MYO18A: variants seen among roughly 807,000 people sequenced by gnomAD.
The protein encoded by MYO18A is unconventional myosin-XVIIIa.
Under a neutral mutation model 235.8 loss-of-function variants are expected in MYO18A, and 78 were observed. That is an observed-to-expected ratio of 0.33 (90% CI 0.28 to 0.40). MYO18A has a LOEUF of 0.40. Among genes scored for constraint, MYO18A ranks in the 10% least tolerant of loss-of-function variants. The pLI, the probability that MYO18A is intolerant of heterozygous loss-of-function variation, is 1.00. For missense variants in MYO18A, 2,215 were observed against 2,699.3 expected, an observed-to-expected ratio of 0.82 and a Z score of 3.98; for synonymous variants, 977 against 1,077.8, an observed-to-expected ratio of 0.91 and a Z score of 1.83.
intron 2 of MYO18A, among the ~76,000 whole-genome samples, chr17:29,164,039 G>A (rs1243211005): frequency 1.3e-5 from 2 of 152,138 alleles, no homozygotes; most frequent in South Asian, 2.1e-4. Context: ...ACAGGCATGC[G>A]CCACCACGCC....
intron 1 of MYO18A, among the ~76,000 whole-genome samples, chr17:29,173,473 C>T (rs1261142641): frequency 2.6e-5 from 4 of 150,970 alleles, no homozygotes; most frequent in African/African-American, 9.8e-5. Context: ...CTGCAAGCTC[C>T]GCCTCCCGGG....
chr17:29,172,367 A>C (rs946881470), intron 1 of MYO18A, among the ~76,000 whole-genome samples: 15 of 152,102 alleles, frequency 9.9e-5, no homozygotes, highest in Admixed American at 4.6e-4. Context: ...CAGGAGGCTG[A>C]GGCAGGAGAA....
At chr17:29,086,768 C>T in intron 38 of MYO18A, 168 bp downstream of exon 38, 2 of 1,103,858 alleles carry the variant, frequency 1.8e-6, no homozygotes, top group Non-Finnish European at 2.5e-6. Flanking sequence ...GTCTCCAGTG[C>T]CGCTAGCTTC....
At chr17:29,092,800 A>G in intron 33 of MYO18A, 55 bp downstream of exon 33, 1 of 1,592,566 alleles carries the variant, frequency 6.3e-7, no homozygotes, top group Non-Finnish European at 8.6e-7. Flanking sequence ...AGAGAAAGAG[A>G]ATGGAAAGGT....
intron 18 of MYO18A, 23 bp from the exon 19 acceptor site, chr17:29,110,124 C>T (rs368951752): frequency 6.5e-5 from 104 of 1,600,808 alleles, no homozygotes; most frequent in African/African-American, 2.7e-5. Context: ...AGAGACTGCC[C>T]TCAGTGGGCT....
Position 29,074,389 on chromosome 17 carries a change from C to G in MYO18A, c.*381G>C. On this transcript the variant is annotated 3_prime_UTR_variant, in exon 42 of 42. Coordinates refer to ENST00000527372, the MANE Select transcript of MYO18A (RefSeq NM_078471.4). This position sits in a 1 kb window ranked among gnomAD's most constrained non-coding sequence, Gnocchi z 4.4. ...CCTCCCCCAATCCTCCCCATGGACC[C>G]AGCAACCTAGAGTGTCCCAGTAGGC... is the stretch of plus-strand genomic sequence containing the variant. The G allele has an allele frequency of 1.6e-6, 1 of 643,104 alleles. No homozygotes were observed. The highest frequency in any genetic ancestry group is 2.1e-5 in the South Asian group (1 of 47,676). 39.8% of individuals were successfully genotyped at this position (643,104 alleles called of 1,614,324 possible).
At chr17:29,083,513 G>C (rs59083088) in intron 40 of MYO18A, among the ~76,000 whole-genome samples, 4,222 of 63,104 alleles carry the variant, frequency 0.067, 177 homozygotes, top group East Asian at 0.42. Flanking sequence ...CAGCCACACA[G>C]GCATGTGTGC....
In MYO18A at chr17:29,121,865, C is replaced by A. The variant is rs1480389483; in HGVS notation, c.1180G>T (p.Asp394Tyr). 2 of 1,613,932 alleles carry A rather than the reference C, an allele frequency of 1.2e-6. No homozygotes were observed. The highest frequency in any genetic ancestry group is 4.5e-5 in the East Asian group (2 of 44,884). Residue 394 changes from aspartate (D) to tyrosine (Y), a missense_variant, in exon 4 of 42, where the codon GAT becomes TAT. By Grantham distance (160) the Asp-to-Tyr change is radical (BLOSUM62 -3). Transcript: ENST00000527372. The surrounding 1 kb of genome is among the most constrained non-coding windows in gnomAD (Gnocchi z 4.2). ...HDGAILDVDE[D>Y]DVEKANAPSC... The stretch of plus-strand genomic sequence containing the variant: ...TGCCCACCTACCTTCTCAACGTCAT[C>A]CTCATCCACATCCAGGATGGCCCCA...
In MYO18A at chr17:29,167,023, T is replaced by G; in HGVS notation, c.-81-2A>C. On this transcript the variant is annotated splice_acceptor_variant, in intron 1 of 41. Transcript: ENST00000527372. LOFTEE classifies it low-confidence loss of function (5UTR_SPLICE). The stretch of plus-strand genomic sequence containing the variant: ...GGGCCTTGGTGCCCCACTTTGCTGC[T>G]GCAAACAGAAACACACAGAGAGAAA... The G allele has an allele frequency of 6.9e-7, 1 of 1,448,116 alleles. No homozygotes were observed. The highest frequency in any genetic ancestry group is 9.1e-7 in the Non-Finnish European group (1 of 1,099,220). The allele number at this position is 1,448,116 out of a possible 1,614,324, so 89.7% of individuals were successfully genotyped here. A position where few individuals can be genotyped will look rare whatever the true frequency, so the allele number is the denominator to read the frequency against.
rs765622149 is a variant in MYO18A at position 29,103,588 on chromosome 17, G to A, written c.3507+11C>T. On this transcript the variant is annotated intron_variant, in intron 21 of 41. Transcript: ENST00000527372. The stretch of plus-strand genomic sequence containing the variant: ...AGTGAGGCCCGACTGCCCTCCTGTG[G>A]GACAACTCACCCGGCTCAGGCCCAT... 10 of 1,613,826 alleles carry A rather than the reference G, an allele frequency of 6.2e-6. No homozygotes were observed. Among genetic ancestry groups the A allele is most frequent in the Non-Finnish European group, 8.5e-6 (10 of 1,179,844 alleles).
chr17:29,085,603 C>T lies in MYO18A; in HGVS notation c.5897+1G>A, dbSNP rs1173189995. 3 of 1,613,962 alleles carry T rather than the reference C, an allele frequency of 1.9e-6. No individual in the cohort carries two copies. The highest frequency in any genetic ancestry group is 2.5e-6 in the Non-Finnish European group (3 of 1,179,850). On this transcript the variant is annotated splice_donor_variant, in intron 40 of 41. Transcript: ENST00000527372. LOFTEE classifies it high-confidence loss of function. ...GAGAGCACATGCGCTCCAGTCCTCACAGTTTATTCTTTCTTTTCTGATACT... is the reference window on the plus strand; with the variant it reads ...GAGAGCACATGCGCTCCAGTCCTCATAGTTTATTCTTTCTTTTCTGATACT...
intron 2 of MYO18A, among the ~76,000 whole-genome samples, chr17:29,162,160 A>T (rs752645083): frequency 6.6e-6 from 1 of 152,010 alleles, no homozygotes. Flanking sequence ...CTAGGATCAC[A>T]ATCACTCCCT....
At chr17:29,119,254 T>C in intron 8 of MYO18A, 81 bp downstream of exon 8, 1 of 1,061,286 alleles carries the variant, frequency 9.4e-7, no homozygotes, top group Admixed American at 2.2e-5. Flanking sequence ...TGGCTTTAAT[T>C]CTGGATGCAA....
intron 40 of MYO18A, 89 bp from the exon 41 acceptor site, chr17:29,082,527 G>T (rs1164555951): frequency 1.4e-6 from 2 of 1,414,144 alleles, no homozygotes; most frequent in Non-Finnish European, 1.9e-6. Flanking sequence ...GGTGTCTTGG[G>T]CAGGGGGGAT....
At chr17:29,172,989 G>T (rs1217864699) in intron 1 of MYO18A, among the ~76,000 whole-genome samples, 1 of 152,070 alleles carries the variant, frequency 6.6e-6, no homozygotes, top group Admixed American at 6.5e-5. Context: ...AAACTATCAA[G>T]GTTGATAATA....
intron 41 of MYO18A, chr17:29,076,956 C>T (rs1169734749): frequency 6.6e-6 from 1 of 152,272 alleles, no homozygotes; most frequent in African/African-American, 2.4e-5. Context: ...AATCAGGGCC[C>T]CTCTGGTCCT....
At chr17:29,080,859 C>CCGCT (rs1215803417) in intron 41 of MYO18A, 1 of 985,290 alleles carries the variant, frequency 1.0e-6, no homozygotes, top group African/African-American at 1.7e-5. Flanking sequence ...GGGAGGCCGC[C>CCGCT]CGCTCGCTCA....
At position 29,126,006 on chromosome 17, in the gene MYO18A, G is replaced by T; in HGVS notation, c.1000-3753C>A. 1.0e-6 allele frequency: 1 copy of T among 975,128 alleles called. No individual in the cohort carries two copies. The highest frequency in any genetic ancestry group is 1.2e-6 in the Non-Finnish European group (1 of 820,062). The allele number at this position is 975,128 out of a possible 1,614,324, so 60.4% of individuals were successfully genotyped here. On this transcript the variant is annotated intron_variant, in intron 2 of 41. Coordinates refer to ENST00000527372, the MANE Select transcript of MYO18A (RefSeq NM_078471.4). The surrounding 1 kb of genome is among the most constrained non-coding windows in gnomAD (Gnocchi z 4.1). ...CACTATTAGTCCCAGCCCAGAAATG[G>T]AGAGGCCACAGCATGCGGAGCTCCC... is the stretch of plus-strand genomic sequence containing the variant.
At chr17:29,079,625 G>T (rs2152712817) in intron 41 of MYO18A, 2 of 802,612 alleles carry the variant, frequency 2.5e-6, no homozygotes, top group Admixed American at 6.2e-5. Context: ...TGCCCGAGAG[G>T]AGTGCGGGTG....
Sources: allele counts gnomAD v4.1 joint callset (sites outside exome capture counted in the v4.1 genomes callset), GRCh38; gene constraint gnomAD v4.1.1; non-coding constraint Gnocchi (gnomAD v3.1); transcripts MANE v1.5; gene names NCBI Gene and HGNC (gene_info 2026-07-23, HGNC 2026-07-21).